Variants in ABCB5 observed in about 807,000 individuals in gnomAD.
The protein encoded by ABCB5 is ATP binding cassette subfamily B member 5.
A neutral mutation model predicts 144.2 loss-of-function variants in ABCB5; 155 were observed. The ratio of observed to expected loss-of-function variants is 1.08; its 90% CI spans 0.94 to 1.23. The LOEUF (loss-of-function observed/expected upper bound fraction) is 1.23, where lower values mean the gene tolerates loss of function less well. Ranked by LOEUF, ABCB5 falls within the 50% of genes most tolerant of loss-of-function variation. ABCB5 has a pLI of 0.00. For synonymous variants in ABCB5, 610 were observed against 528.6 expected (o/e 1.15, Z -2.11); for missense variants, 1,830 against 1,520.8 (o/e 1.20, Z -3.38).
chr7:20,685,555 G>T, intron 15 of ABCB5, 141 bp from the exon 16 acceptor site: 1 of 678,044 alleles, frequency 1.5e-6, no homozygotes. Flanking sequence ...TATCAAGCCT[G>T]AAAGCTGTTC....
At chr7:20,619,221 T>C (rs888775686) in intron 1 of ABCB5, among the ~76,000 whole-genome samples, 3 of 152,122 alleles carry the variant, frequency 2.0e-5, no homozygotes, top group African/African-American at 7.2e-5. Context: ...AATTGTTGGG[T>C]TGAATGGTAG....
intron 13 of ABCB5, among the ~76,000 whole-genome samples, chr7:20,656,632 C>A (rs73278664): frequency 6.6e-6 from 1 of 152,062 alleles, no homozygotes. Flanking sequence ...ATGATGTAAG[C>A]AATTAGATCT....
chr7:20,616,454 T>A (rs995638049), intron 1 of ABCB5, among the ~76,000 whole-genome samples: 1 of 152,240 alleles, frequency 6.6e-6, no homozygotes, highest in Non-Finnish European at 1.5e-5. Flanking sequence ...CATGATTTCT[T>A]CTCACATGGG....
At chr7:20,709,277 G>A (rs1369914757) in intron 20 of ABCB5, among the ~76,000 whole-genome samples, 1 of 143,718 alleles carries the variant, frequency 7.0e-6, no homozygotes, top group Non-Finnish European at 1.5e-5. Flanking sequence ...ATTTACTTTG[G>A]TTTCATTCTC....
chr7:20,648,805 T>G (rs982373262), intron 11 of ABCB5, among the ~76,000 whole-genome samples: 2 of 150,664 alleles, frequency 1.3e-5, no homozygotes, highest in Non-Finnish European at 3.0e-5. Context: ...ACTTCCTTAT[T>G]TTTTTTCTGA....
intron 14 of ABCB5, among the ~76,000 whole-genome samples, chr7:20,681,260 A>G (rs570808094): frequency 6.6e-6 from 1 of 151,678 alleles, no homozygotes; most frequent in Non-Finnish European, 1.5e-5. Flanking sequence ...CCAAGTAGCT[A>G]GGATTCCAGG....
intron 13 of ABCB5, among the ~76,000 whole-genome samples, chr7:20,654,670 T>G (rs1174924784): frequency 3.9e-5 from 6 of 152,164 alleles, no homozygotes; most frequent in African/African-American, 9.6e-5. Context: ...CAGACCATAA[T>G]ATAAGTAAAC....
intron 14 of ABCB5, among the ~76,000 whole-genome samples, chr7:20,677,058 A>G (rs1785638746): frequency 6.6e-6 from 1 of 152,154 alleles, no homozygotes; most frequent in East Asian, 1.9e-4. Flanking sequence ...ATCCATCATG[A>G]TATTTGTCAG....
chr7:20,655,450 G>A (rs1297838800), intron 13 of ABCB5, among the ~76,000 whole-genome samples: 2 of 151,684 alleles, frequency 1.3e-5, no homozygotes, highest in South Asian at 2.1e-4. Flanking sequence ...TCCAGCCTGG[G>A]CAACAGAGCA....
chr7:20,652,930 T>A (rs1040110820), intron 13 of ABCB5, among the ~76,000 whole-genome samples: 1 of 150,216 alleles, frequency 6.7e-6, no homozygotes, highest in Non-Finnish European at 1.5e-5. Flanking sequence ...TTATTCTTGG[T>A]TTTTAATTTA....
chr7:20,687,787 A>T (rs1786050470), intron 16 of ABCB5, among the ~76,000 whole-genome samples: 1 of 152,226 alleles, frequency 6.6e-6, no homozygotes, highest in South Asian at 2.1e-4. Flanking sequence ...AGAGAGGTTA[A>T]GGTAGGAGGA....
At chr7:20,626,758 G>GA (rs1583375992) in intron 3 of ABCB5, 147 bp downstream of exon 3, 5 of 697,272 alleles carry the variant, frequency 7.2e-6, no homozygotes, top group Non-Finnish European at 8.6e-6. Context: ...ATTTTCGATA[G>GA]AAAAAATATA....
At chr7:20,671,865 T>C (rs2128035995) in intron 14 of ABCB5, among the ~76,000 whole-genome samples, 1 of 152,352 alleles carries the variant, frequency 6.6e-6, no homozygotes, top group Admixed American at 6.5e-5. Flanking sequence ...CTGAATCTTA[T>C]GGTAGGTATA....
chr7:20,623,963 T>G (rs536065653), intron 2 of ABCB5, among the ~76,000 whole-genome samples: 23 of 152,358 alleles, frequency 1.5e-4, no homozygotes, highest in African/African-American at 5.3e-4. Flanking sequence ...TACCATTTTC[T>G]TGTGAGTCAG....
intron 14 of ABCB5, among the ~76,000 whole-genome samples, chr7:20,681,000 TTCTTTCTTTCTTTCTTTC>T (rs1785782015): frequency 1.4e-4 from 1 of 7,076 alleles, no homozygotes; most frequent in Non-Finnish European, 2.7e-4. Flanking sequence ...CTTTCTTTCT[TTCTTTCTTTCTTTCTTTC>T]TTTCTTTCTT....
rs554419618 is a variant in ABCB5 at position 20,625,970 on chromosome 7, C to T, written c.54-587C>T. On this transcript the variant is annotated intron_variant, in intron 2 of 27. Transcript: ENST00000404938. ...GCCTTAAAGAGTAGAAAAATTCCAA[C>T]ACCTACTACAATGTGGATGAAACAT... is the stretch of plus-strand genomic sequence containing the variant. Among the ~76,000 whole-genome samples the T allele has an allele frequency of 2.6e-5, 4 of 152,294 alleles. No individual in the cohort carries two copies. In the East Asian group the frequency reaches 7.7e-4, roughly 29 times the overall value.
At position 20,698,363 on chromosome 7, in the gene ABCB5, A is replaced by G. The variant is rs539356416; in HGVS notation, c.2011-44A>G. 14 of 1,504,128 alleles carry G rather than the reference A, an allele frequency of 9.3e-6. 1 individual carries two copies. The East Asian group carries it at 3.2e-4, about 34-fold the overall frequency. 93.2% of individuals were successfully genotyped at this position (1,504,128 alleles called of 1,614,324 possible). ...TGGGCTAACTTCACTAGATTCTGTT[A>G]TGCACACAAACTGGCATTTTTAACC... On this transcript the variant is annotated intron_variant, in intron 16 of 27. Coordinates refer to ENST00000404938, the MANE Select transcript of ABCB5 (RefSeq NM_001163941.2).
chr7:20,666,809 T>C, intron 14 of ABCB5: 1 of 1,581,150 alleles, frequency 6.3e-7, no homozygotes, highest in East Asian at 2.3e-5. Context: ...CTATCTACGT[T>C]GAGGTATCTG....
intron 2 of ABCB5, among the ~76,000 whole-genome samples, chr7:20,626,165 C>A (rs1284922109): frequency 1.3e-5 from 2 of 151,956 alleles, no homozygotes; most frequent in African/African-American, 4.8e-5. Flanking sequence ...GAGATGGGGA[C>A]AATGGGAAAA....
Sources: allele counts gnomAD v4.1 joint callset (sites outside exome capture counted in the v4.1 genomes callset), GRCh38; gene constraint gnomAD v4.1.1; transcripts MANE v1.5; gene names NCBI Gene and HGNC (gene_info 2026-07-23, HGNC 2026-07-21).